CCDC171: variants seen among roughly 807,000 people sequenced by gnomAD.
CCDC171 encodes coiled-coil domain-containing protein 171.
Under a neutral mutation model 168.2 loss-of-function variants are expected in CCDC171, and 177 were observed. That is an observed-to-expected ratio of 1.05 (90% confidence interval 0.93 to 1.19). The LOEUF (loss-of-function observed/expected upper bound fraction) is 1.19. Ranked by LOEUF, CCDC171 falls within the 50% of genes most tolerant of loss-of-function variation. The pLI, the probability that CCDC171 is intolerant of heterozygous loss-of-function variation, is 0.00. For synonymous variants in CCDC171, 687 were observed against 540.8 expected, an observed-to-expected ratio of 1.27 and a Z score of -3.75; for missense variants, 1,991 against 1,539.0, an observed-to-expected ratio of 1.29 and a Z score of -4.91.
At chr9:15,710,229 T>C (rs1192049683) in intron 11 of CCDC171, among the ~76,000 whole-genome samples, 1 of 152,162 alleles carries the variant, frequency 6.6e-6, no homozygotes, top group Non-Finnish European at 1.5e-5. Context: ...TTTAAATTAG[T>C]ATGCAGAGAA....
intron 21 of CCDC171, among the ~76,000 whole-genome samples, chr9:15,830,777 C>T (rs915915114): frequency 1.3e-5 from 2 of 152,022 alleles, no homozygotes; most frequent in African/African-American, 4.8e-5. Flanking sequence ...AGATTTCAAA[C>T]ACTGGTTAAG....
the CCDC171 span, among the ~76,000 whole-genome samples, chr9:16,092,423 C>T: frequency 6.6e-6 from 1 of 152,172 alleles, no homozygotes. Context: ...CTGAGATGCG[C>T]TGGTCTGCCT....
chr9:15,934,508 T>C (rs908106276), intron 25 of CCDC171, among the ~76,000 whole-genome samples: 2 of 151,730 alleles, frequency 1.3e-5, no homozygotes, highest in African/African-American at 4.8e-5. Flanking sequence ...TAAAGGAAGA[T>C]AACAAGCATT....
At chr9:15,555,862 T>A (rs1338542547) in intron 1 of CCDC171, among the ~76,000 whole-genome samples, 1 of 152,008 alleles carries the variant, frequency 6.6e-6, no homozygotes, top group Non-Finnish European at 1.5e-5. Context: ...GGCCCCGGTG[T>A]GTGATGTTCC....
chr9:15,890,341 G>C (rs1443998836), intron 24 of CCDC171, among the ~76,000 whole-genome samples: 2 of 152,088 alleles, frequency 1.3e-5, no homozygotes, highest in East Asian at 3.8e-4. Flanking sequence ...TCATAGAGGA[G>C]GTAGCATTTG....
In CCDC171 at chr9:15,939,091, C is replaced by CT. The variant is rs932506413; in HGVS notation, c.3753+18680dup. Among the ~76,000 whole-genome samples the CT allele has an allele frequency of 1.8e-3, 260 of 143,398 alleles. 2 individuals are homozygous for CT. Among genetic ancestry groups the CT allele is most frequent in the South Asian group, 3.8e-3 (17 of 4,526 alleles). The allele number at this position is 143,398 out of a possible 152,430, so 94.1% of individuals were successfully genotyped here. A position where few individuals can be genotyped will look rare whatever the true frequency, so the allele number is the denominator to read the frequency against. ...TTTTGCCTCTTCTTGATAATATAAC[C>CT]TTTTTTTTTTTGAGAAAAGAAAATG... On this transcript the variant is annotated intron_variant, in intron 25 of 25. Transcript: ENST00000380701.
intron 21 of CCDC171, among the ~76,000 whole-genome samples, chr9:15,799,159 TATATATAC>T (rs2058700156): frequency 1.5e-5 from 2 of 133,976 alleles, no homozygotes; most frequent in Non-Finnish European, 3.2e-5. Flanking sequence ...TATATATATA[TATATATAC>T]CATTTTGATG....
intron 4 of CCDC171, among the ~76,000 whole-genome samples, chr9:15,581,542 T>A (rs2041117908): frequency 6.6e-6 from 1 of 152,134 alleles, no homozygotes; most frequent in Non-Finnish European, 1.5e-5. Flanking sequence ...ACTACAAGAA[T>A]ACAGTAACCA....
rs1357919798 is a variant in CCDC171, at chr9:15,971,862, A to G, written c.*26A>G. ...CTTCATGAAATTAAAAAATGGAGGA[A>G]GAGTTAACAGTACAATTAAAATTGT... On this transcript the variant is annotated 3_prime_UTR_variant, in exon 26 of 26. Coordinates refer to ENST00000380701, the MANE Select transcript of CCDC171 (RefSeq NM_173550.4). 7.1e-6 allele frequency: 11 copies of G among 1,544,960 alleles called. No homozygotes were observed. The highest frequency in any genetic ancestry group is 8.9e-7 in the Non-Finnish European group (1 of 1,118,246).
chr9:16,022,155 T>C (rs1278397084), intron 4 of CCDC171, among the ~76,000 whole-genome samples: 2 of 152,168 alleles, frequency 1.3e-5, no homozygotes, highest in African/African-American at 4.8e-5. Context: ...GTGAGCAGTA[T>C]TGTAGAATAG....
the CCDC171 span, among the ~76,000 whole-genome samples, chr9:16,093,727 T>G: frequency 1.3e-5 from 2 of 152,214 alleles, no homozygotes; most frequent in Non-Finnish European, 2.9e-5. Flanking sequence ...AAATTATGTC[T>G]CTGTATCTTG....
At chr9:15,903,641 C>G (rs868670095) in intron 24 of CCDC171, among the ~76,000 whole-genome samples, 1 of 152,192 alleles carries the variant, frequency 6.6e-6, no homozygotes, top group African/African-American at 2.4e-5. Context: ...CAAAGGAACT[C>G]GGCTCCTCAC....
chr9:15,937,519 C>T (rs1827245939), intron 25 of CCDC171, among the ~76,000 whole-genome samples: 1 of 151,728 alleles, frequency 6.6e-6, no homozygotes, highest in Admixed American at 6.6e-5. Context: ...GTTCCAATTC[C>T]ATTGTATTTT....
At chr9:15,753,381 A>C (rs2055888251) in intron 18 of CCDC171, among the ~76,000 whole-genome samples, 3 of 152,188 alleles carry the variant, frequency 2.0e-5, no homozygotes, top group African/African-American at 7.2e-5. Flanking sequence ...GATGAGATTG[A>C]AAATCCGTGC....
chr9:15,831,208 GT>G, intron 21 of CCDC171, among the ~76,000 whole-genome samples: 2 of 151,792 alleles, frequency 1.3e-5, no homozygotes, highest in Non-Finnish European at 2.9e-5. Context: ...TCCTAACCTT[GT>G]GATCCGGCTG....
At chr9:16,063,749 T>C (rs1049959592), downstream of CCDC171, among the ~76,000 whole-genome samples, 2 of 152,172 alleles carry the variant, frequency 1.3e-5, no homozygotes, top group Admixed American at 1.3e-4. Context: ...CTTTCCCCAT[T>C]ATAACATTTG....
intron 1 of CCDC171, among the ~76,000 whole-genome samples, chr9:16,044,818 T>C (rs1222344059): frequency 2.0e-5 from 3 of 152,188 alleles, no homozygotes; most frequent in Admixed American, 1.3e-4. Flanking sequence ...GCCCAGGGTA[T>C]TGCAGCCTGG....
chr9:15,924,905 T>C (rs1825729818), intron 25 of CCDC171, among the ~76,000 whole-genome samples: 1 of 151,586 alleles, frequency 6.6e-6, no homozygotes, highest in Non-Finnish European at 1.5e-5. Context: ...TAAACACTCA[T>C]CTCCTTTGTT....
At chr9:15,964,528 G>C (rs1325630570) in intron 25 of CCDC171, among the ~76,000 whole-genome samples, 1 of 152,074 alleles carries the variant, frequency 6.6e-6, no homozygotes, top group Non-Finnish European at 1.5e-5. Flanking sequence ...TCTACCATCA[G>C]TTGTGTCAGG....
Sources: gnomAD v4.1 joint callset for allele counts (sites outside exome capture counted in the v4.1 genomes callset) on GRCh38, gnomAD v4.1.1 for gene constraint, MANE v1.5 for transcripts, NCBI Gene and HGNC (gene_info 2026-07-23, HGNC 2026-07-21) for gene names.